MAPKAP1: variants seen among roughly 807,000 people sequenced by gnomAD.
MAPKAP1 encodes the protein MAPK associated protein 1.
Under a neutral mutation model 65.7 loss-of-function variants are expected in MAPKAP1, and 20 were observed. The ratio of observed to expected loss-of-function variants is 0.30; its 90% CI spans 0.21 to 0.44. MAPKAP1 has a LOEUF of 0.44. Ranked by LOEUF, MAPKAP1 falls within the 20% of genes least tolerant of loss-of-function variation. The pLI, the probability that MAPKAP1 is intolerant of heterozygous loss-of-function variation, is 1.00. For synonymous variants in MAPKAP1, 222 were observed against 244.3 expected (o/e 0.91, Z 0.85); for missense variants, 423 against 648.0 (o/e 0.65, Z 3.77).
chr9:125,590,235 G>A (rs533907561), intron 4 of MAPKAP1, among the ~76,000 whole-genome samples: 54 of 152,192 alleles, frequency 3.5e-4, no homozygotes, highest in Non-Finnish European at 6.8e-4. Context: ...AGAGCAGTAT[G>A]CCAGAAAGGG....
intron 6 of MAPKAP1, among the ~76,000 whole-genome samples, chr9:125,546,788 GT>G (rs1307478471): frequency 6.6e-6 from 1 of 152,136 alleles, no homozygotes; most frequent in Non-Finnish European, 1.5e-5. Flanking sequence ...CAGTCTCTGG[GT>G]TAGGAGCTGT....
chr9:125,671,983 C>A (rs1834510172), intron 2 of MAPKAP1, among the ~76,000 whole-genome samples: 1 of 152,134 alleles, frequency 6.6e-6, no homozygotes. Flanking sequence ...GGTAGTCTAC[C>A]TACTGGGACT....
intron 9 of MAPKAP1, among the ~76,000 whole-genome samples, chr9:125,477,525 A>T (rs1231676725): frequency 2.6e-5 from 4 of 152,178 alleles, no homozygotes; most frequent in Non-Finnish European, 4.4e-5. Context: ...GGTGACTCTG[A>T]TATATGTTCA....
chr9:125,459,827 G>A (rs1589211598), intron 10 of MAPKAP1, among the ~76,000 whole-genome samples: 4 of 150,754 alleles, frequency 2.7e-5, no homozygotes, highest in South Asian at 2.1e-4. Context: ...GAGGGAGACC[G>A]TGGAAAGAGA....
At chr9:125,605,610 C>A (rs755617529) in intron 4 of MAPKAP1, among the ~76,000 whole-genome samples, 4 of 152,226 alleles carry the variant, frequency 2.6e-5, no homozygotes, top group Non-Finnish European at 5.9e-5. Flanking sequence ...CTCTGCACTT[C>A]GGAACCCATT....
chr9:125,635,090 T>C (rs917284073), intron 4 of MAPKAP1, among the ~76,000 whole-genome samples: 1 of 152,210 alleles, frequency 6.6e-6, no homozygotes, highest in African/African-American at 2.4e-5. Flanking sequence ...TTACTCTTTT[T>C]CCACTTATTC....
chr9:125,536,112 T>C (rs1830066676), intron 7 of MAPKAP1, among the ~76,000 whole-genome samples: 1 of 152,190 alleles, frequency 6.6e-6, no homozygotes, highest in Non-Finnish European at 1.5e-5. Context: ...CCTTCTAAAA[T>C]AATTGGGTCT....
intron 4 of MAPKAP1, among the ~76,000 whole-genome samples, chr9:125,590,525 C>G (rs1303340246): frequency 6.6e-6 from 1 of 151,894 alleles, no homozygotes; most frequent in Non-Finnish European, 1.5e-5. Context: ...TGGTGGGAAC[C>G]TTTAATGCCA....
At chr9:125,648,260 G>A (rs1564600458) in intron 4 of MAPKAP1, among the ~76,000 whole-genome samples, 1 of 152,060 alleles carries the variant, frequency 6.6e-6, no homozygotes, top group South Asian at 2.1e-4. Flanking sequence ...CCCTCACCTG[G>A]AGCTAATACT....
chr9:125,536,770 T>C (rs2133153183), intron 7 of MAPKAP1, among the ~76,000 whole-genome samples: 1 of 152,360 alleles, frequency 6.6e-6, no homozygotes, highest in East Asian at 1.9e-4. Flanking sequence ...GAAGATTCTT[T>C]AGCTTACATT....
At chr9:125,491,397 C>T (rs765598778) in intron 8 of MAPKAP1, among the ~76,000 whole-genome samples, 8 of 151,752 alleles carry the variant, frequency 5.3e-5, no homozygotes, top group African/African-American at 1.5e-4. Context: ...GCTGTGATCA[C>T]GCCACTGCAC....
rs756815609 is a variant in MAPKAP1 at position 125,468,061 on chromosome 9, G to A, written c.1256C>T (p.Ala419Val). 4.3e-6 allele frequency: 7 copies of A among 1,614,168 alleles called. No individual in the cohort carries two copies. In the East Asian group the frequency reaches 1.6e-4, roughly 36 times the overall value. The part of the protein sequence containing the change: ...VEIDPVTNQK[A>V]STKFWIKQKP... ...CTGCTTAATCCAAAACTTAGTGCTG[G>A]CTTTCTGATTCGTAACAGGGTCTAT... The change falls in exon 10 of 12, where the codon GCC (alanine) becomes GTC (valine). Residue 419 changes from alanine (A) to valine (V), a missense_variant. Around this residue, in one of 6 missense-constraint regions of MAPKAP1, gnomAD observed 185 missense variants for 268.1 expected, o/e 0.69. Coordinates refer to ENST00000265960, the MANE Select transcript of MAPKAP1 (RefSeq NM_001006617.3).
At chr9:125,569,578 C>A (rs1336716922) in intron 5 of MAPKAP1, among the ~76,000 whole-genome samples, 4 of 152,060 alleles carry the variant, frequency 2.6e-5, no homozygotes, top group African/African-American at 9.7e-5. Context: ...TCTAAAAGGA[C>A]GTTATTAGAG....
At chr9:125,605,353 C>G (rs971723717) in intron 4 of MAPKAP1, among the ~76,000 whole-genome samples, 4 of 152,168 alleles carry the variant, frequency 2.6e-5, no homozygotes, top group African/African-American at 4.8e-5. Flanking sequence ...CCTGAAGGAA[C>G]CTTAGGTGGA....
intron 6 of MAPKAP1, among the ~76,000 whole-genome samples, chr9:125,550,873 C>A (rs1169167473): frequency 1.3e-5 from 2 of 152,082 alleles, no homozygotes; most frequent in Admixed American, 6.5e-5. Flanking sequence ...AATAAATAAC[C>A]AGGATAATTT....
intron 1 of MAPKAP1, among the ~76,000 whole-genome samples, chr9:125,686,677 C>A (rs1416006073): frequency 1.3e-5 from 2 of 152,204 alleles, no homozygotes; most frequent in East Asian, 3.8e-4. Flanking sequence ...CTCTACCACA[C>A]CTGTGCCATA....
Position 125,447,588 on chromosome 9 carries a change from G to T in MAPKAP1, c.1346-2990C>A. On this transcript the variant is annotated intron_variant, in intron 10 of 11. Coordinates refer to ENST00000265960, the MANE Select transcript of MAPKAP1 (RefSeq NM_001006617.3). The surrounding 1 kb of genome is among the most constrained non-coding windows in gnomAD (Gnocchi z 4.5). ...TTTCTGCCCCGAGTTCCCCTCGCTA[G>T]CAGCCCTGTTTCGCTGGGCGGCCAG... The T allele has an allele frequency of 2.3e-6, 1 of 432,090 alleles. No homozygotes were observed. The highest frequency in any genetic ancestry group is 1.6e-5 in the South Asian group (1 of 61,556). The allele number at this position is 432,090 out of a possible 1,614,324, so 26.8% of individuals were successfully genotyped here.
chr9:125,705,294 G>A (rs765797747), intron 1 of MAPKAP1, among the ~76,000 whole-genome samples: 2 of 152,198 alleles, frequency 1.3e-5, no homozygotes. Flanking sequence ...CCTACCAGCT[G>A]TGTAATTTAT....
intron 5 of MAPKAP1, among the ~76,000 whole-genome samples, chr9:125,570,560 C>T (rs1589296834): frequency 6.6e-6 from 1 of 152,100 alleles, no homozygotes; most frequent in African/African-American, 2.4e-5. Flanking sequence ...TCAAACTTAC[C>T]AAAGTTTTCA....
Sources: allele counts gnomAD v4.1 joint callset (sites outside exome capture counted in the v4.1 genomes callset), GRCh38; gene constraint gnomAD v4.1.1; regional missense constraint gnomAD v4.1.1; non-coding constraint Gnocchi (gnomAD v3.1); transcripts MANE v1.5; gene names NCBI Gene and HGNC (gene_info 2026-07-23, HGNC 2026-07-21).